Variants in DLGAP1 observed in about 807,000 individuals in gnomAD.
DLGAP1 encodes disks large-associated protein 1.
Under a neutral mutation model 90.8 loss-of-function variants are expected in DLGAP1, and 11 were observed. That is an observed-to-expected ratio of 0.12 (90% CI 0.08 to 0.20). DLGAP1 has a LOEUF of 0.20. Among genes scored for constraint, DLGAP1 ranks in the 10% least tolerant of loss-of-function variants. The pLI is 1.00. For missense variants in DLGAP1, 1,050 were observed against 1,333.8 expected (o/e 0.79, Z 3.31); for synonymous variants, 558 against 540.7 (o/e 1.03, Z -0.44).
chr18:4,425,931 T>C (rs1170193088), intron 1 of DLGAP1, among the ~76,000 whole-genome samples: 1 of 152,238 alleles, frequency 6.6e-6, no homozygotes, highest in Non-Finnish European at 1.5e-5. Flanking sequence ...AGGAATCCTA[T>C]AGCATAATAG....
At chr18:4,026,759 A>T (rs2074705365) in intron 2 of DLGAP1, among the ~76,000 whole-genome samples, 1 of 152,220 alleles carries the variant, frequency 6.6e-6, no homozygotes, top group Non-Finnish European at 1.5e-5. Flanking sequence ...GAAACTAGTT[A>T]TCATAAAAGA....
intron 3 of DLGAP1, among the ~76,000 whole-genome samples, chr18:3,998,267 C>T (rs1176352371): frequency 2.0e-5 from 3 of 152,072 alleles, no homozygotes; most frequent in African/African-American, 7.2e-5. Context: ...TGATCTCTTC[C>T]TTTTATTTGC....
intron 4 of DLGAP1, among the ~76,000 whole-genome samples, chr18:3,870,101 T>A (rs1174110735): frequency 6.6e-6 from 1 of 152,186 alleles, no homozygotes; most frequent in Non-Finnish European, 1.5e-5. Context: ...AGCCTTACAG[T>A]TCCCTAGAAC....
At position 3,506,688 on chromosome 18, in the gene DLGAP1, GT is replaced by G. The variant is rs2050246771; in HGVS notation, c.2571+1881del. On this transcript the variant is annotated intron_variant, in intron 11 of 12. Transcript: ENST00000315677. ...TATTTCTTTTAACAAGGTATGTTGT[GT>G]TTTCCCTGTATCGTGTACACATGGA... Among the ~76,000 whole-genome samples the G allele has an allele frequency of 2.6e-5, 4 of 151,994 alleles. No homozygotes were observed. In the South Asian group the frequency reaches 8.3e-4, roughly 32 times the overall value.
chr18:4,437,505 A>T (rs955702726), intron 1 of DLGAP1, among the ~76,000 whole-genome samples: 2 of 152,202 alleles, frequency 1.3e-5, no homozygotes, highest in African/African-American at 4.8e-5. Flanking sequence ...TACCCAATAT[A>T]ATGTAAATGT....
At chr18:4,087,665 C>G (rs2075707013) in intron 2 of DLGAP1, among the ~76,000 whole-genome samples, 1 of 152,150 alleles carries the variant, frequency 6.6e-6, no homozygotes, top group African/African-American at 2.4e-5. Flanking sequence ...TCTAGTGCCA[C>G]TGGGTTAGGG....
chr18:3,874,186 C>A (rs1408677643), intron 4 of DLGAP1: 1 of 1,550,128 alleles, frequency 6.5e-7, no homozygotes, highest in Non-Finnish European at 8.7e-7. Context: ...GAAACTTGCA[C>A]ACAAACTGAA....
At chr18:3,912,673 G>C (rs907195095) in intron 3 of DLGAP1, among the ~76,000 whole-genome samples, 10 of 152,296 alleles carry the variant, frequency 6.6e-5, no homozygotes, top group African/African-American at 1.9e-4. Context: ...ATAGGGGCGT[G>C]CCTCTGATGG....
intron 7 of DLGAP1, among the ~76,000 whole-genome samples, chr18:3,718,908 G>A (rs1184912471): frequency 4.3e-5 from 6 of 139,196 alleles, no homozygotes; most frequent in Non-Finnish European, 7.6e-5. Flanking sequence ...CCTGGGGGAC[G>A]AGAGTGAGAC....
chr18:4,219,579 T>C (rs1252950905), intron 1 of DLGAP1, among the ~76,000 whole-genome samples: 3 of 152,088 alleles, frequency 2.0e-5, no homozygotes, highest in East Asian at 1.9e-4. Flanking sequence ...ATTTCCATTA[T>C]GTGTTCTTCT....
At chr18:3,952,506 C>T (rs1267681341) in intron 3 of DLGAP1, among the ~76,000 whole-genome samples, 1 of 152,194 alleles carries the variant, frequency 6.6e-6, no homozygotes, top group East Asian at 1.9e-4. Context: ...GTTGATTTCC[C>T]ACTTGGGTGA....
chr18:3,645,088 G>A (rs370199147), intron 7 of DLGAP1, among the ~76,000 whole-genome samples: 50 of 152,094 alleles, frequency 3.3e-4, no homozygotes, highest in East Asian at 1.2e-3. Flanking sequence ...TTTTTCCCTC[G>A]TATTTTAATT....
intron 5 of DLGAP1, among the ~76,000 whole-genome samples, chr18:3,798,758 A>G (rs1366133024): frequency 1.3e-5 from 2 of 152,242 alleles, no homozygotes; most frequent in African/African-American, 4.8e-5. Flanking sequence ...GGTGCTTAAC[A>G]TAAGTTGCTC....
intron 1 of DLGAP1, among the ~76,000 whole-genome samples, chr18:4,328,035 T>C (rs2080862822): frequency 6.6e-6 from 1 of 151,956 alleles, no homozygotes; most frequent in East Asian, 1.9e-4. Context: ...CCATCTCTTA[T>C]CTATTTTCTT....
At chr18:3,983,274 C>T (rs1160941707) in intron 3 of DLGAP1, 1 of 152,128 alleles carries the variant, frequency 6.6e-6, no homozygotes, top group Non-Finnish European at 1.5e-5. Context: ...ATTGCCATTA[C>T]TTAATTATGC....
At chr18:4,303,313 T>C (rs1298140718) in intron 1 of DLGAP1, among the ~76,000 whole-genome samples, 1 of 151,982 alleles carries the variant, frequency 6.6e-6, no homozygotes, top group Non-Finnish European at 1.5e-5. Flanking sequence ...CAGGTTAATG[T>C]GGAGAAAGAA....
chr18:3,832,733 T>C (rs2068099472), intron 4 of DLGAP1, among the ~76,000 whole-genome samples: 1 of 152,058 alleles, frequency 6.6e-6, no homozygotes. Context: ...TGTGGCTTCC[T>C]AGTTTCTGCC....
intron 1 of DLGAP1, among the ~76,000 whole-genome samples, chr18:4,446,690 C>A (rs1358540337): frequency 1.3e-5 from 2 of 152,064 alleles, no homozygotes; most frequent in Non-Finnish European, 1.5e-5. Context: ...ATTTAAAATG[C>A]AACTATTTTA....
chr18:3,626,298 A>G (rs1211237267), intron 7 of DLGAP1, among the ~76,000 whole-genome samples: 2 of 56,576 alleles, frequency 3.5e-5, no homozygotes, highest in African/African-American at 1.0e-4. Flanking sequence ...CTCAAAAAAG[A>G]AAAAAAAAAA....
Sources: gnomAD v4.1 joint callset for allele counts (sites outside exome capture counted in the v4.1 genomes callset) on GRCh38, gnomAD v4.1.1 for gene constraint, MANE v1.5 for transcripts, NCBI Gene and HGNC (gene_info 2026-07-23, HGNC 2026-07-21) for gene names.